Variants in FAM193A observed in about 807,000 individuals in gnomAD.
FAM193A encodes family with sequence similarity 193 member A, also known as protein FAM193A.
In FAM193A, 22 loss-of-function variants were observed where a neutral mutation model predicts 126.5. That is an observed-to-expected ratio of 0.17 (90% CI 0.12 to 0.25). FAM193A has a LOEUF of 0.25. Among genes scored for constraint, FAM193A ranks in the 10% least tolerant of loss-of-function variants. The pLI is 1.00. For synonymous variants in FAM193A, 761 were observed against 646.8 expected (o/e 1.18, Z -2.68); for missense variants, 1,675 against 1,672.8 (o/e 1.00, Z -0.02).
At chr4:2,577,388 A>C (rs544176852) in intron 1 of FAM193A, among the ~76,000 whole-genome samples, 1 of 149,566 alleles carries the variant, frequency 6.7e-6, no homozygotes, top group African/African-American at 2.5e-5. Flanking sequence ...CAAGTTTGAC[A>C]ATCTATTCAC....
chr4:2,680,791 A>G (rs1715018480), intron 13 of FAM193A, among the ~76,000 whole-genome samples: 3 of 151,730 alleles, frequency 2.0e-5, no homozygotes, highest in Non-Finnish European at 4.4e-5. Context: ...ACAGGCGCCC[A>G]CCACCATGCC....
At chr4:2,720,833 A>G (rs1720058683) in intron 20 of FAM193A, among the ~76,000 whole-genome samples, 1 of 152,202 alleles carries the variant, frequency 6.6e-6, no homozygotes, top group Non-Finnish European at 1.5e-5. Flanking sequence ...AAGAAGATCT[A>G]AATCACAGAG....
intron 1 of FAM193A, among the ~76,000 whole-genome samples, chr4:2,566,107 G>C (rs1483675686): frequency 6.6e-6 from 1 of 151,716 alleles, no homozygotes; most frequent in Admixed American, 6.6e-5. Flanking sequence ...GAGTGCAGTG[G>C]CACAATCTTG....
chr4:2,580,840 T>A (rs1237625897), intron 1 of FAM193A, among the ~76,000 whole-genome samples: 1 of 152,206 alleles, frequency 6.6e-6, no homozygotes, highest in Admixed American at 6.5e-5. Context: ...ATAAGTTTTT[T>A]AAAACCCACT....
At chr4:2,687,029 G>C (rs946774159) in intron 13 of FAM193A, among the ~76,000 whole-genome samples, 1 of 152,008 alleles carries the variant, frequency 6.6e-6, no homozygotes, top group African/African-American at 2.4e-5. Flanking sequence ...TGGGTGGCCC[G>C]TCTGGACCTG....
At chr4:2,594,113 A>G (rs1213702339) in intron 1 of FAM193A, among the ~76,000 whole-genome samples, 2 of 152,194 alleles carry the variant, frequency 1.3e-5, no homozygotes, top group Non-Finnish European at 2.9e-5. Flanking sequence ...TCACTGGTTC[A>G]TGGAAACATG....
rs549105004 is a variant in FAM193A at position 2,668,995 on chromosome 4, A to G, written c.2080-3126A>G. On this transcript the variant is annotated intron_variant, in intron 12 of 20. Coordinates refer to ENST00000637812, the MANE Select transcript of FAM193A (RefSeq NM_001366318.2). ...GTAGCTGGGATCACAGGCAAGCACC[A>G]TGGCACCCGGCTAATTTTTGTATTT... Among the ~76,000 whole-genome samples, 563 of 152,194 alleles carry G rather than the reference A, an allele frequency of 3.7e-3. 2 individuals are homozygous for G. The highest frequency in any genetic ancestry group is 6.7e-3 in the Admixed American group (103 of 15,298).
At chr4:2,640,670 G>A (rs1161592990) in intron 6 of FAM193A, among the ~76,000 whole-genome samples, 4 of 152,116 alleles carry the variant, frequency 2.6e-5, no homozygotes, top group South Asian at 2.1e-4. Flanking sequence ...ATTTGACCAC[G>A]TTAACCTATA....
chr4:2,568,467 C>T (rs2108853557), intron 1 of FAM193A, among the ~76,000 whole-genome samples: 1 of 152,292 alleles, frequency 6.6e-6, no homozygotes, highest in East Asian at 1.9e-4. Context: ...CTACAGTGAG[C>T]TGTGATTGTG....
rs1736889538 is a variant in FAM193A at position 2,536,670 on chromosome 4, A to T, written c.-246A>T. ...GGATCCCTTTCCCCTTGTGTCCGCC[A>T]TATTGGACTCTAACTCTGGTCAGCC... On this transcript the variant is annotated 5_prime_UTR_variant, in exon 1 of 21. Transcript: ENST00000637812. 1 of 116,600 alleles carries T rather than the reference A, an allele frequency of 8.6e-6. No individual in the cohort carries two copies. The highest frequency in any genetic ancestry group is 2.9e-4 in the South Asian group (1 of 3,430). 7.2% of individuals were successfully genotyped at this position (116,600 alleles called of 1,614,324 possible).
At chr4:2,634,871 T>C (rs1184089233) in intron 5 of FAM193A, among the ~76,000 whole-genome samples, 1 of 152,212 alleles carries the variant, frequency 6.6e-6, no homozygotes, top group East Asian at 1.9e-4. Context: ...TTCTGGATTC[T>C]GGGTAGAGAC....
At chr4:2,678,583 G>A (rs958518308) in intron 13 of FAM193A, among the ~76,000 whole-genome samples, 4 of 151,284 alleles carry the variant, frequency 2.6e-5, no homozygotes, top group Non-Finnish European at 4.4e-5. Context: ...GGCTGGTCTC[G>A]AACTCCTGAC....
chr4:2,553,615 G>A (rs973538936), intron 1 of FAM193A, among the ~76,000 whole-genome samples: 31 of 151,994 alleles, frequency 2.0e-4, no homozygotes, highest in Non-Finnish European at 7.4e-5. Flanking sequence ...TCTTTACCTC[G>A]TGATCTGCCC....
At chr4:2,663,416 C>T in intron 12 of FAM193A, 128 bp downstream of exon 12, 1 of 672,294 alleles carries the variant, frequency 1.5e-6, no homozygotes, top group Non-Finnish European at 2.4e-6. Flanking sequence ...TGAAGAGAGT[C>T]AAGGCATACT....
intron 19 of FAM193A, among the ~76,000 whole-genome samples, chr4:2,713,881 C>T (rs1307845137): frequency 5.9e-5 from 9 of 152,090 alleles, no homozygotes; most frequent in African/African-American, 2.2e-4. Context: ...ATATAAAATC[C>T]TTGGATCAAC....
intron 2 of FAM193A, among the ~76,000 whole-genome samples, chr4:2,612,284 G>A (rs1277818582): frequency 1.3e-5 from 2 of 151,664 alleles, no homozygotes; most frequent in Non-Finnish European, 2.9e-5. Context: ...GGTGGGTCAC[G>A]AGGTCAGGAA....
At chr4:2,625,073 T>C (rs1022681596) in intron 2 of FAM193A, among the ~76,000 whole-genome samples, 189 bp from the exon 3 acceptor site, 1 of 152,226 alleles carries the variant, frequency 6.6e-6, no homozygotes, top group African/African-American at 2.4e-5. Flanking sequence ...TGCCCAGCGA[T>C]CCACCCACCT....
intron 19 of FAM193A, among the ~76,000 whole-genome samples, chr4:2,714,532 T>C (rs1275779907): frequency 1.3e-5 from 2 of 152,082 alleles, no homozygotes; most frequent in Non-Finnish European, 2.9e-5. Flanking sequence ...GCACCAGTGA[T>C]TGTGGCCTCC....
chr4:2,545,837 A>G (rs1018658061), intron 1 of FAM193A, among the ~76,000 whole-genome samples: 4 of 152,048 alleles, frequency 2.6e-5, no homozygotes, highest in Non-Finnish European at 4.4e-5. Context: ...GTGCACCACC[A>G]TGCCTGGCTA....
Sources: allele counts gnomAD v4.1 joint callset (sites outside exome capture counted in the v4.1 genomes callset), GRCh38; gene constraint gnomAD v4.1.1; transcripts MANE v1.5; gene names NCBI Gene and HGNC (gene_info 2026-07-23, HGNC 2026-07-21).